The following ASNS variants were observed in gnomAD, a reference collection of about 807,000 sequenced individuals.
ASNS encodes asparagine synthetase (glutamine-hydrolyzing).
In ASNS, 37 loss-of-function variants were observed where a neutral mutation model predicts 62.6. The observed-to-expected ratio is 0.59, with a 90% CI of 0.45 to 0.78. The LOEUF (loss-of-function observed/expected upper bound fraction) is 0.78. ASNS is among the 30% of genes least tolerant of loss of function. The probability of loss-of-function intolerance (pLI) is 0.00; values close to 1 mark genes in which losing one functional copy is unlikely to be tolerated. For synonymous variants in ASNS, 207 were observed against 237.9 expected (o/e 0.87, Z 1.19); for missense variants, 520 against 682.4 (o/e 0.76, Z 2.65).
chr7:97,860,503 G>A (rs1395652174), intron 4 of ASNS, among the ~76,000 whole-genome samples: 1 of 152,148 alleles, frequency 6.6e-6, no homozygotes, highest in East Asian at 1.9e-4. Context: ...ATATATGCTT[G>A]TTCTTTGCCA....
At chr7:97,873,500 A>G (rs548673202), upstream of ASNS, among the ~76,000 whole-genome samples, 12 of 152,220 alleles carry the variant, frequency 7.9e-5, no homozygotes, top group Non-Finnish European at 1.5e-4. Flanking sequence ...AAGATGAGAG[A>G]TGACTTGTTC....
At chr7:97,909,842 T>C in the ASNS span, among the ~76,000 whole-genome samples, 1 of 152,098 alleles carries the variant, frequency 6.6e-6, no homozygotes, top group Non-Finnish European at 1.5e-5. Flanking sequence ...TCACATTAAC[T>C]CATGGCAAAC....
the ASNS span, among the ~76,000 whole-genome samples, chr7:97,878,711 A>G: frequency 2.0e-5 from 3 of 152,228 alleles, no homozygotes; most frequent in African/African-American, 7.2e-5. Flanking sequence ...GAAAATGGCC[A>G]TACTGCCCAA....
intron 2 of ASNS, 69 bp from the exon 3 acceptor site, chr7:97,869,248 T>A (rs750276513): frequency 6.6e-7 from 1 of 1,520,200 alleles, no homozygotes; most frequent in Non-Finnish European, 8.9e-7. Flanking sequence ...AAATCTTGAT[T>A]CCGGAAACGT....
At position 97,852,419 on chromosome 7, in the gene ASNS, G is replaced by A. The variant is rs376247830; in HGVS notation, c.1526C>T (p.Thr509Ile). 1.9e-6 allele frequency: 3 copies of A among 1,614,018 alleles called. No homozygotes were observed. The African/African-American group carries it at 4.0e-5, about 22-fold the overall frequency. ...GTAATATCCTTCTTTGGTTTTAGGA[G>A]TATTGAAGGGAAATTTCTGGGCTGC... is the stretch of plus-strand genomic sequence containing the variant. ...ANAAQKFPFN[T>I]PKTKEGYYYR... The change falls in exon 13 of 13, where the codon ACT (threonine) becomes ATT (isoleucine). Residue 509 changes from threonine (T) to isoleucine (I), a missense_variant. Coordinates refer to ENST00000394308, the MANE Select transcript of ASNS (RefSeq NM_001673.5).
chr7:97,900,576 G>A, the ASNS span, among the ~76,000 whole-genome samples: 3 of 152,114 alleles, frequency 2.0e-5, no homozygotes, highest in African/African-American at 7.2e-5. Context: ...TCAATCTATG[G>A]AAAATGAACT....
chr7:97,883,220 A>AAT, the ASNS span, among the ~76,000 whole-genome samples: 20,824 of 152,022 alleles, frequency 0.14, 1,866 homozygotes, highest in African/African-American at 0.26. Flanking sequence ...AGGGCAAAAA[A>AAT]AAAATTCATA....
chr7:97,854,823 C>T (rs1374093346), intron 9 of ASNS, 143 bp from the exon 10 acceptor site: 2 of 1,440,648 alleles, frequency 1.4e-6, no homozygotes, highest in Non-Finnish European at 1.9e-6. Context: ...CAGAGGTAAG[C>T]AATGCTTCAC....
chr7:97,921,277 G>A, the ASNS span, among the ~76,000 whole-genome samples: 747 of 152,234 alleles, frequency 4.9e-3, 3 homozygotes, highest in African/African-American at 0.017. Context: ...TAAGACTGTC[G>A]GGGTACAAAG....
At chr7:97,896,408 G>A in the ASNS span, among the ~76,000 whole-genome samples, 1 of 149,620 alleles carries the variant, frequency 6.7e-6, no homozygotes, top group African/African-American at 2.5e-5. Context: ...CTAACACGGT[G>A]AAACCCCGTC....
chr7:97,895,191 T>G, the ASNS span, among the ~76,000 whole-genome samples: 2 of 152,190 alleles, frequency 1.3e-5, no homozygotes, highest in African/African-American at 4.8e-5. Context: ...ATGAAAACTC[T>G]CAACAAATTA....
chr7:97,864,840 C>A (rs1416169924), intron 3 of ASNS, among the ~76,000 whole-genome samples: 1 of 151,974 alleles, frequency 6.6e-6, no homozygotes, highest in African/African-American at 2.4e-5. Flanking sequence ...GATTGAGTAT[C>A]CCTTATCTGA....
the ASNS span, among the ~76,000 whole-genome samples, chr7:97,886,933 G>A: frequency 3.3e-5 from 5 of 152,114 alleles, no homozygotes; most frequent in Non-Finnish European, 7.4e-5. Flanking sequence ...ACAACTGAGT[G>A]CCCCCCACAT....
At chr7:97,875,722 T>A (rs1010861952), upstream of ASNS, among the ~76,000 whole-genome samples, 6 of 152,162 alleles carry the variant, frequency 3.9e-5, no homozygotes, top group African/African-American at 1.4e-4. Context: ...GGAAACAAAT[T>A]TGAATAGCCA....
intron 4 of ASNS, among the ~76,000 whole-genome samples, chr7:97,860,803 C>T (rs1362224447): frequency 6.6e-6 from 1 of 152,132 alleles, no homozygotes; most frequent in Admixed American, 6.5e-5. Context: ...AACTTGTGGG[C>T]CGTCTTTTCA....
the ASNS span, chr7:97,898,901 A>G: frequency 7.8e-6 from 10 of 1,282,244 alleles, no homozygotes; most frequent in African/African-American, 2.9e-5. Flanking sequence ...ATCATTCTGC[A>G]AGTCAGCAAG....
chr7:97,885,049 C>T, the ASNS span, among the ~76,000 whole-genome samples: 15 of 152,122 alleles, frequency 9.9e-5, no homozygotes, highest in Admixed American at 2.6e-4. Flanking sequence ...TGTGTCACCA[C>T]GCCCATCTAA....
the ASNS span, among the ~76,000 whole-genome samples, chr7:97,896,312 G>A: frequency 1.3e-5 from 2 of 151,812 alleles, no homozygotes; most frequent in Admixed American, 6.6e-5. Flanking sequence ...CAAAGAGGCC[G>A]GGCGAGGTGG....
At chr7:97,917,540 G>A in the ASNS span, among the ~76,000 whole-genome samples, 6,550 of 152,176 alleles carry the variant, frequency 0.043, 194 homozygotes, top group African/African-American at 0.12. Context: ...CAGCTCAGCC[G>A]GGGCTGCAGC....
Sources: allele counts gnomAD v4.1 joint callset (sites outside exome capture counted in the v4.1 genomes callset), GRCh38; gene constraint gnomAD v4.1.1; transcripts MANE v1.5; gene names NCBI Gene and HGNC (gene_info 2026-07-23, HGNC 2026-07-21).